Variants in NRXN3 observed in about 807,000 individuals in gnomAD.
NRXN3 encodes neurexin 3, also known as neurexin III.
NRXN3 carries 32 observed loss-of-function variants against 137.6 expected under a neutral mutation model. That is an observed-to-expected ratio of 0.23 (90% CI 0.18 to 0.31). The LOEUF is 0.31. Among genes scored for constraint, NRXN3 ranks in the 10% least tolerant of loss-of-function variants. The probability of loss-of-function intolerance (pLI) is 1.00; values close to 1 mark genes in which losing one functional copy is unlikely to be tolerated. For synonymous variants in NRXN3, 798 were observed against 784.5 expected, an observed-to-expected ratio of 1.02 and a Z score of -0.29; for missense variants, 1,574 against 2,062.5, an observed-to-expected ratio of 0.76 and a Z score of 4.59.
intron 1 of NRXN3, among the ~76,000 whole-genome samples, chr14:78,192,449 A>G (rs1308290096): frequency 1.3e-5 from 2 of 152,194 alleles, no homozygotes; most frequent in African/African-American, 2.4e-5. Flanking sequence ...TCTGTTTCTC[A>G]GAGAAAAAGA....
At chr14:78,851,813 C>T (rs1038790801) in intron 10 of NRXN3, among the ~76,000 whole-genome samples, 3 of 152,126 alleles carry the variant, frequency 2.0e-5, no homozygotes, top group Non-Finnish European at 2.9e-5. Context: ...AGAGGCAGAA[C>T]TGTATTTTAA....
At chr14:78,299,110 G>A (rs573881570) in intron 4 of NRXN3, among the ~76,000 whole-genome samples, 2 of 152,336 alleles carry the variant, frequency 1.3e-5, no homozygotes, top group South Asian at 2.1e-4. Context: ...GATCAGTGGT[G>A]TGGACTTCAG....
At chr14:78,973,952 C>T (rs1378083272) in intron 14 of NRXN3, among the ~76,000 whole-genome samples, 1 of 152,184 alleles carries the variant, frequency 6.6e-6, no homozygotes, top group African/African-American at 2.4e-5. Context: ...GTACAAGCGC[C>T]TATCTATCCA....
chr14:78,440,032 C>A (rs1483160769), intron 4 of NRXN3, among the ~76,000 whole-genome samples: 4 of 152,222 alleles, frequency 2.6e-5, no homozygotes, highest in Non-Finnish European at 5.9e-5. Context: ...TTCCCCACCA[C>A]CACTGCCTTG....
In NRXN3 at chr14:79,792,278, A is replaced by G. The variant is rs543556204; in HGVS notation, c.4015-12834A>G. On this transcript the variant is annotated intron_variant, in intron 19 of 20. Coordinates refer to ENST00000335750, the MANE Select transcript of NRXN3 (RefSeq NM_001330195.2). ...TAGGGCTGGAGTGCATTCTTCAGTA[A>G]TGAATGCATGAAAAGCAGCCTCTTC... Among the ~76,000 whole-genome samples the G allele has an allele frequency of 4.7e-4, 72 of 152,308 alleles. 1 individual carries two copies. Among genetic ancestry groups the G allele is most frequent in the Admixed American group, 9.8e-4 (15 of 15,304 alleles).
chr14:79,258,527 A>G (rs1201073800), intron 15 of NRXN3, among the ~76,000 whole-genome samples: 3 of 152,170 alleles, frequency 2.0e-5, no homozygotes, highest in Non-Finnish European at 4.4e-5. Context: ...ATTTTTAAAA[A>G]TAACCTGTTC....
intron 15 of NRXN3, among the ~76,000 whole-genome samples, chr14:79,141,265 C>T (rs1403433577): frequency 6.6e-6 from 1 of 152,138 alleles, no homozygotes; most frequent in Non-Finnish European, 1.5e-5. Flanking sequence ...GTAGATTGTA[C>T]CTACTTATCA....
At chr14:79,745,035 A>AT (rs372465872) in intron 19 of NRXN3, among the ~76,000 whole-genome samples, 317 of 149,866 alleles carry the variant, frequency 2.1e-3, no homozygotes, top group Non-Finnish European at 3.4e-3. Context: ...AAAAAAAAAA[A>AT]GCAGGTAGAA....
chr14:79,546,744 T>G (rs947177036), intron 16 of NRXN3, among the ~76,000 whole-genome samples: 2 of 152,144 alleles, frequency 1.3e-5, no homozygotes, highest in Admixed American at 1.3e-4. Flanking sequence ...ATATACACAT[T>G]TATCACTCAA....
At chr14:78,470,443 G>A (rs905373509) in intron 4 of NRXN3, among the ~76,000 whole-genome samples, 46 of 152,130 alleles carry the variant, frequency 3.0e-4, no homozygotes, top group East Asian at 1.2e-3. Context: ...TTCTTTTCTC[G>A]GTGGGAGAGG....
chr14:79,710,174 A>G (rs1273422181), intron 19 of NRXN3, among the ~76,000 whole-genome samples: 1 of 151,910 alleles, frequency 6.6e-6, no homozygotes, highest in Non-Finnish European at 1.5e-5. Context: ...TTATTTTTGC[A>G]TGTGTTCTTT....
intron 4 of NRXN3, among the ~76,000 whole-genome samples, chr14:78,562,666 A>G (rs2152276249): frequency 6.6e-6 from 1 of 152,304 alleles, no homozygotes; most frequent in South Asian, 2.1e-4. Flanking sequence ...CCCAGGCTAC[A>G]ATGGACTGTA....
At chr14:79,011,697 C>T (rs1465793570) in intron 15 of NRXN3, among the ~76,000 whole-genome samples, 1 of 151,984 alleles carries the variant, frequency 6.6e-6, no homozygotes, top group Non-Finnish European at 1.5e-5. Context: ...TCCTACAGAG[C>T]GGGGCAAGTC....
At chr14:79,042,884 C>A (rs907440094) in intron 15 of NRXN3, among the ~76,000 whole-genome samples, 4 of 151,686 alleles carry the variant, frequency 2.6e-5, no homozygotes, top group East Asian at 1.9e-4. Flanking sequence ...CAAAATGCAG[C>A]AAAAGGATTT....
intron 6 of NRXN3, among the ~76,000 whole-genome samples, chr14:78,688,977 G>A (rs2098145995): frequency 6.6e-6 from 1 of 151,992 alleles, no homozygotes; most frequent in South Asian, 2.1e-4. Flanking sequence ...TATGTTCCTG[G>A]AAATATGTAG....
chr14:78,567,128 A>G (rs2096843544), intron 4 of NRXN3, among the ~76,000 whole-genome samples: 1 of 152,128 alleles, frequency 6.6e-6, no homozygotes, highest in African/African-American at 2.4e-5. Flanking sequence ...AGGTGACCAA[A>G]AGAAGTTGGG....
At chr14:78,979,270 A>G (rs1363621942) in intron 14 of NRXN3, among the ~76,000 whole-genome samples, 1 of 152,156 alleles carries the variant, frequency 6.6e-6, no homozygotes, top group African/African-American at 2.4e-5. Flanking sequence ...ACATAAAATT[A>G]ACCATCACAT....
intron 15 of NRXN3, among the ~76,000 whole-genome samples, chr14:79,234,076 ACCTAAAGGATATTT>A: frequency 6.6e-6 from 1 of 151,152 alleles, no homozygotes; most frequent in East Asian, 2.0e-4. Context: ...TCAATTTGAT[ACCTAAAGGATATTT>A]CCTCTCAAGA....
intron 4 of NRXN3, among the ~76,000 whole-genome samples, chr14:78,513,107 T>A (rs1004621041): frequency 6.6e-6 from 1 of 152,194 alleles, no homozygotes; most frequent in African/African-American, 2.4e-5. Flanking sequence ...ATGAATCTGA[T>A]GAGGAAGGCA....
Sources: allele counts gnomAD v4.1 joint callset (sites outside exome capture counted in the v4.1 genomes callset), GRCh38; gene constraint gnomAD v4.1.1; transcripts MANE v1.5; gene names NCBI Gene and HGNC (gene_info 2026-07-23, HGNC 2026-07-21).